The following GMDS variants were observed in gnomAD, a reference collection of about 807,000 sequenced individuals.
The protein encoded by GMDS is GDP-mannose 4,6-dehydratase.
GMDS carries 20 observed loss-of-function variants against 49.9 expected under a neutral mutation model. The observed-to-expected ratio is 0.40, with a 90% CI of 0.28 to 0.58. GMDS has a LOEUF of 0.58. GMDS is among the 20% of genes least tolerant of loss of function. GMDS has a pLI of 0.42. For missense variants in GMDS, 362 were observed against 481.4 expected (o/e 0.75, Z 2.32); for synonymous variants, 177 against 178.6 (o/e 0.99, Z 0.07).
intron 4 of GMDS, among the ~76,000 whole-genome samples, chr6:1,979,282 C>T (rs934122548): frequency 6.6e-6 from 1 of 152,096 alleles, no homozygotes; most frequent in African/African-American, 2.4e-5. Context: ...TAACCCAAAG[C>T]GAAGAAGCTA....
intron 9 of GMDS, among the ~76,000 whole-genome samples, chr6:1,678,900 G>A (rs1254643087): frequency 1.3e-5 from 2 of 152,070 alleles, no homozygotes; most frequent in Non-Finnish European, 2.9e-5. Flanking sequence ...AACATTACAA[G>A]GATATTATTA....
intron 7 of GMDS, among the ~76,000 whole-genome samples, chr6:1,897,778 T>C (rs934753228): frequency 3.9e-5 from 6 of 152,244 alleles, no homozygotes; most frequent in Admixed American, 1.3e-4. Context: ...TACCTCTATG[T>C]ACGTACTCAT....
intron 9 of GMDS, among the ~76,000 whole-genome samples, chr6:1,708,610 C>T (rs1434311722): frequency 1.3e-5 from 2 of 152,192 alleles, no homozygotes; most frequent in Non-Finnish European, 2.9e-5. Context: ...TTTGGGTTTT[C>T]CTCAAACCAT....
At chr6:1,779,555 CAG>C (rs1768990236) in intron 7 of GMDS, among the ~76,000 whole-genome samples, 1 of 152,106 alleles carries the variant, frequency 6.6e-6, no homozygotes. Context: ...GTGACCCCTG[CAG>C]AGACAATCCT....
chr6:2,111,381 AC>A, intron 4 of GMDS, among the ~76,000 whole-genome samples: 1 of 152,290 alleles, frequency 6.6e-6, no homozygotes, highest in East Asian at 1.9e-4. Flanking sequence ...ATAAGATCAA[AC>A]CAGCCTTTCA....
chr6:1,856,281 C>T (rs1757935644), intron 7 of GMDS, among the ~76,000 whole-genome samples: 1 of 152,154 alleles, frequency 6.6e-6, no homozygotes, highest in Admixed American at 6.6e-5. Context: ...CTTTATAATT[C>T]ACACAGGCTT....
intron 9 of GMDS, among the ~76,000 whole-genome samples, chr6:1,701,617 T>C (rs1361470810): frequency 1.3e-5 from 2 of 152,142 alleles, no homozygotes; most frequent in African/African-American, 4.8e-5. Flanking sequence ...GAGGGAGTAA[T>C]AGCGTGGTCT....
chr6:1,680,543 C>T (rs1023582558), intron 9 of GMDS, among the ~76,000 whole-genome samples: 10 of 152,182 alleles, frequency 6.6e-5, no homozygotes, highest in Admixed American at 1.3e-4. Context: ...TGACTTCTCA[C>T]ACGGAAAGCA....
chr6:2,223,592 G>C (rs988390650), intron 1 of GMDS, among the ~76,000 whole-genome samples: 13 of 152,204 alleles, frequency 8.5e-5, no homozygotes, highest in African/African-American at 3.1e-4. Context: ...AGCTATGCTA[G>C]TGGGGTAAAA....
chr6:1,959,363 A>T (rs1236358579), intron 6 of GMDS, among the ~76,000 whole-genome samples: 1 of 152,212 alleles, frequency 6.6e-6, no homozygotes, highest in Non-Finnish European at 1.5e-5. Flanking sequence ...AAATCTTGTT[A>T]AAAAACTGAT....
At chr6:1,659,688 A>G (rs993193107) in intron 9 of GMDS, among the ~76,000 whole-genome samples, 1 of 152,090 alleles carries the variant, frequency 6.6e-6, no homozygotes, top group African/African-American at 2.4e-5. Context: ...CATATAGTGA[A>G]TCTGTTTCGG....
At chr6:2,157,418 T>C (rs570154950) in intron 1 of GMDS, among the ~76,000 whole-genome samples, 5 of 152,354 alleles carry the variant, frequency 3.3e-5, no homozygotes, top group Admixed American at 3.3e-4. Context: ...TTGTCTTTGA[T>C]TCATTTTAAG....
In GMDS at chr6:1,723,595, A is replaced by ATT. The variant is rs113558437; in HGVS notation, c.987+2820_987+2821insAA. ...CCACCCGCCTCGGCCTCTTTATGGCAATTTTTTTTTCCTATCAGTCATTCC... is the reference window on the plus strand; with the variant it reads ...CCACCCGCCTCGGCCTCTTTATGGCATTATTTTTTTTTCCTATCAGTCATTCC... On this transcript the variant is annotated intron_variant, in intron 9 of 10. Transcript: ENST00000380815. 6.8e-3 allele frequency among the ~76,000 whole-genome samples: 1,012 copies of ATT among 148,200 alleles called. 2 individuals are homozygous for ATT. Among genetic ancestry groups the ATT allele is most frequent in the African/African-American group, 0.016 (655 of 40,208 alleles).
In GMDS at chr6:2,077,958, T is replaced by A. The variant is rs78226915; in HGVS notation, c.345+37813A>T. 4.1e-4 allele frequency among the ~76,000 whole-genome samples: 63 copies of A among 152,120 alleles called. 3 individuals are homozygous for A. In the East Asian group the frequency reaches 0.012, roughly 29 times the overall value. The stretch of plus-strand genomic sequence containing the variant: ...CTTTTTATTACTGATATGACTTTGT[T>A]ACTGGTTATTGGTTTGTTCAGGCTT... On this transcript the variant is annotated intron_variant, in intron 4 of 10. Coordinates refer to ENST00000380815, the MANE Select transcript of GMDS (RefSeq NM_001500.4).
At chr6:2,023,529 T>C (rs562086501) in intron 4 of GMDS, among the ~76,000 whole-genome samples, 4 of 152,190 alleles carry the variant, frequency 2.6e-5, no homozygotes, top group African/African-American at 4.8e-5. Context: ...AGGGCAGAGA[T>C]GTGACACACA....
chr6:2,117,136 C>T (rs551977331), intron 3 of GMDS, among the ~76,000 whole-genome samples: 24 of 152,132 alleles, frequency 1.6e-4, no homozygotes, highest in African/African-American at 3.9e-4. Context: ...ATATAAAAAG[C>T]GGGTCGGTGC....
At chr6:1,702,911 C>G (rs76753878) in intron 9 of GMDS, among the ~76,000 whole-genome samples, 18 of 152,268 alleles carry the variant, frequency 1.2e-4, no homozygotes, top group African/African-American at 4.3e-4. Context: ...GCCAATACAT[C>G]ATGTTGACTT....
In GMDS at chr6:2,242,052, C is replaced by T. The variant is rs141156799; in HGVS notation, c.102+3269G>A. 5.2e-3 allele frequency among the ~76,000 whole-genome samples: 790 copies of T among 152,184 alleles called. 9 individuals carry two copies. The highest frequency in any genetic ancestry group is 0.017 in the Middle Eastern group (5 of 294). The stretch of plus-strand genomic sequence containing the variant: ...CTTAAAGTAGTTCATAATCTCAAGA[C>T]AAAAGATATGAAATTACTTATACAA... On this transcript the variant is annotated intron_variant, in intron 1 of 10. Transcript: ENST00000380815.
intron 7 of GMDS, among the ~76,000 whole-genome samples, chr6:1,921,275 G>A (rs1249020862): frequency 6.6e-6 from 1 of 152,136 alleles, no homozygotes; most frequent in African/African-American, 2.4e-5. Flanking sequence ...CTGAAAATGT[G>A]ATCTAAGAAT....
Sources: allele counts gnomAD v4.1 joint callset (sites outside exome capture counted in the v4.1 genomes callset), GRCh38; gene constraint gnomAD v4.1.1; transcripts MANE v1.5; gene names NCBI Gene and HGNC (gene_info 2026-07-23, HGNC 2026-07-21).